Variants in NDUFA10 observed in about 807,000 individuals in gnomAD.
NDUFA10 encodes NADH:ubiquinone oxidoreductase subunit A10.
NDUFA10 carries 40 observed loss-of-function variants against 47.8 expected under a neutral mutation model. The ratio of observed to expected loss-of-function variants is 0.84; its 90% CI spans 0.65 to 1.09. The LOEUF (loss-of-function observed/expected upper bound fraction) is 1.09. Ranked by LOEUF, NDUFA10 falls within the 50% of genes least tolerant of loss-of-function variation. The pLI, the probability that NDUFA10 is intolerant of heterozygous loss-of-function variation, is 0.00. For synonymous variants in NDUFA10, 183 were observed against 172.2 expected (o/e 1.06, Z -0.49); for missense variants, 413 against 451.1 (o/e 0.92, Z 0.76).
chr2:240,005,265 C>A lies in NDUFA10; in HGVS notation c.835G>T (p.Asp279Tyr). 2 of 1,614,040 alleles carry A rather than the reference C, an allele frequency of 1.2e-6. No homozygotes were observed. Among genetic ancestry groups the A allele is most frequent in the Non-Finnish European group, 8.5e-7 (1 of 1,179,956 alleles). ...TCCTGCTTGAGCCACGGCCCTTTAT[C>A]GAACTTCAGGTATTCAATGTCCTCT... The part of the protein sequence containing the change: ...VVEDIEYLKF[D>Y]KGPWLKQDNR... The change falls in exon 8 of 10, where the codon GAT (aspartate) becomes TAT (tyrosine). Residue 279 changes from aspartate to tyrosine, a missense_variant. Coordinates refer to ENST00000252711, the MANE Select transcript of NDUFA10 (RefSeq NM_004544.4).
At chr2:239,977,819 G>A (rs910287752) in intron 9 of NDUFA10, among the ~76,000 whole-genome samples, 3 of 152,186 alleles carry the variant, frequency 2.0e-5, no homozygotes, top group African/African-American at 7.2e-5. Context: ...CACTGGGCCT[G>A]GTCAACCACC....
chr2:239,938,545 C>T (rs571925146), intron 4 of NDUFA10, among the ~76,000 whole-genome samples: 5 of 152,350 alleles, frequency 3.3e-5, no homozygotes, highest in Admixed American at 2.0e-4. Context: ...CCCTGGGAGG[C>T]GGCTACTTCC....
At chr2:239,900,552 T>C (rs7599067) in intron 4 of NDUFA10, among the ~76,000 whole-genome samples, 127,186 of 150,706 alleles carry the variant, frequency 0.84, 53,719 homozygotes, top group East Asian at 0.99. Context: ...CTGTGCTTTT[T>C]TCATTGGGTG....
At chr2:240,024,960 A>G (rs1697793452) in intron 1 of NDUFA10, among the ~76,000 whole-genome samples, 1 of 104,392 alleles carries the variant, frequency 9.6e-6, no homozygotes. Flanking sequence ...CTCCCGCATC[A>G]GGGCAGCCTC....
Position 239,959,942 on chromosome 2 carries a change from G to A in NDUFA10, c.*1176C>T, listed in dbSNP as rs1161402488. On this transcript the variant is annotated 3_prime_UTR_variant, in exon 10 of 10. Coordinates refer to ENST00000252711, the MANE Select transcript of NDUFA10 (RefSeq NM_004544.4). The stretch of plus-strand genomic sequence containing the variant: ...CAGCGAGGCCTGGTAGAGCTTCCGC[G>A]GGGAGCAGAGCATCGTCCTCTGCAC... 1.5e-5 allele frequency: 15 copies of A among 985,502 alleles called. No individual in the cohort carries two copies. The East Asian group carries it at 3.4e-4, about 22-fold the overall frequency. 61.0% of individuals were successfully genotyped at this position (985,502 alleles called of 1,614,324 possible).
At chr2:239,943,546 G>T (rs1694395354) in intron 4 of NDUFA10, among the ~76,000 whole-genome samples, 1 of 152,174 alleles carries the variant, frequency 6.6e-6, no homozygotes, top group Non-Finnish European at 1.5e-5. Flanking sequence ...GTTTTCTGCT[G>T]GGATTATTTT....
At chr2:240,011,829 C>T (rs1218983669) in intron 5 of NDUFA10, 133 bp from the exon 6 acceptor site, 14 of 773,468 alleles carry the variant, frequency 1.8e-5, no homozygotes, top group South Asian at 5.8e-5. Flanking sequence ...GTGGGGACTG[C>T]GGGGTGACAG....
chr2:239,960,933 C>A lies in NDUFA10; in HGVS notation c.*185G>T. On this transcript the variant is annotated 3_prime_UTR_variant, in exon 10 of 10. Transcript: ENST00000252711. ...GGGTTCCAAACATCCAGAATGGAAGCTGCTTCCCCCAACTCCATTACCTAT... is the reference window on the plus strand; with the variant it reads ...GGGTTCCAAACATCCAGAATGGAAGATGCTTCCCCCAACTCCATTACCTAT... 1 of 1,493,524 alleles carries A rather than the reference C, an allele frequency of 6.7e-7. No individual in the cohort carries two copies. The allele number at this position is 1,493,524 out of a possible 1,614,324, so 92.5% of individuals were successfully genotyped here.
chr2:239,911,664 TGAGA>T (rs1299925751), intron 4 of NDUFA10, among the ~76,000 whole-genome samples: 70 of 128,652 alleles, frequency 5.4e-4, no homozygotes, highest in East Asian at 4.5e-3. Flanking sequence ...CACCAAAACA[TGAGA>T]GAGTGTGTGT....
At chr2:239,980,905 C>T (rs759283933) in intron 9 of NDUFA10, among the ~76,000 whole-genome samples, 17 of 152,178 alleles carry the variant, frequency 1.1e-4, no homozygotes, top group Non-Finnish European at 2.1e-4. Flanking sequence ...CAAGGAGACC[C>T]CAGCTGGCAC....
chr2:239,901,237 G>A lies in NDUFA10; in HGVS notation c.295-5923C>T, dbSNP rs556527791. Among the ~76,000 whole-genome samples, 6 of 152,322 alleles carry A rather than the reference G, an allele frequency of 3.9e-5. No homozygotes were observed. In the South Asian group the frequency reaches 6.2e-4, roughly 16 times the overall value. ...ATGAAACAACAATGGCTGGGTGGCAGTGGCTCGCATCTGTAATCCCAGCAC... is the reference window on the plus strand; with the variant it reads ...ATGAAACAACAATGGCTGGGTGGCAATGGCTCGCATCTGTAATCCCAGCAC... On this transcript the variant is annotated intron_variant, in intron 4 of 5. Coordinates refer to the NDUFA10 transcript ENST00000419408.
intron 4 of NDUFA10, among the ~76,000 whole-genome samples, chr2:239,933,393 TGAG>T (rs545247354): frequency 9.9e-5 from 15 of 152,108 alleles, no homozygotes; most frequent in Non-Finnish European, 1.9e-4. Context: ...TGTCTATACC[TGAG>T]GACAAAGGCT....
At chr2:240,024,082 T>C (rs375154361) in intron 1 of NDUFA10, among the ~76,000 whole-genome samples, 17 of 152,358 alleles carry the variant, frequency 1.1e-4, no homozygotes, top group African/African-American at 4.1e-4. Flanking sequence ...GGCAGCTTCT[T>C]AGAAAACTAG....
chr2:239,965,538 C>T (rs533139286), intron 9 of NDUFA10, among the ~76,000 whole-genome samples: 25 of 152,298 alleles, frequency 1.6e-4, no homozygotes, highest in Non-Finnish European at 2.8e-4. Context: ...CAACGGGCCT[C>T]GTCAGACCTT....
At chr2:240,017,827 G>T in intron 4 of NDUFA10, 2 of 1,561,110 alleles carry the variant, frequency 1.3e-6, no homozygotes, top group Non-Finnish European at 1.7e-6. Flanking sequence ...GGCTTGCTTC[G>T]GCCTCCTCTT....
At chr2:239,920,611 A>G (rs1484054677) in intron 4 of NDUFA10, among the ~76,000 whole-genome samples, 2 of 152,200 alleles carry the variant, frequency 1.3e-5, no homozygotes, top group Non-Finnish European at 2.9e-5. Context: ...CCGTCTCCTT[A>G]ACTTCCCTAG....
chr2:239,909,657 T>G (rs939109287), intron 4 of NDUFA10, among the ~76,000 whole-genome samples: 4 of 151,898 alleles, frequency 2.6e-5, no homozygotes, highest in Non-Finnish European at 2.9e-5. Flanking sequence ...GAAGAAAATC[T>G]AGGCAATATT....
chr2:239,934,094 C>T (rs531546786), intron 4 of NDUFA10, among the ~76,000 whole-genome samples: 3 of 152,210 alleles, frequency 2.0e-5, no homozygotes, highest in Admixed American at 1.3e-4. Flanking sequence ...TGGCCCCAGG[C>T]GATCCTCCTG....
rs115456543 is a variant in NDUFA10 at position 239,951,378 on chromosome 2, G to A, written c.294+38696C>T. Among the ~76,000 whole-genome samples the A allele has an allele frequency of 2.7e-3, 410 of 152,330 alleles. 1 individual carries two copies. Among genetic ancestry groups the A allele is most frequent in the Middle Eastern group, 6.8e-3 (2 of 294 alleles). ...AGACGCAGACATTGATGACTGAGTC[G>A]TCGAAGGTGGTTGAGATTGGGAAGA... On this transcript the variant is annotated intron_variant, in intron 4 of 5. Transcript: ENST00000419408.
Sources: allele counts gnomAD v4.1 joint callset (sites outside exome capture counted in the v4.1 genomes callset), GRCh38; gene constraint gnomAD v4.1.1; transcripts MANE v1.5; gene names NCBI Gene and HGNC (gene_info 2026-07-23, HGNC 2026-07-21).